The following PHF21B variants were observed in gnomAD, a reference collection of about 807,000 sequenced individuals.
PHF21B encodes PHD finger protein 21B.
Under a neutral mutation model 62.2 loss-of-function variants are expected in PHF21B, and 22 were observed. The observed-to-expected ratio is 0.35, with a 90% confidence interval of 0.25 to 0.51. The LOEUF is 0.51. Ranked by LOEUF, PHF21B falls within the 20% of genes least tolerant of loss-of-function variation. PHF21B has a pLI of 0.97. For synonymous variants in PHF21B, 341 were observed against 314.7 expected (o/e 1.08, Z -0.88); for missense variants, 701 against 707.9 (o/e 0.99, Z 0.11).
At chr22:44,921,151 C>T (rs1373377250) in intron 2 of PHF21B, among the ~76,000 whole-genome samples, 2 of 152,198 alleles carry the variant, frequency 1.3e-5, no homozygotes, top group Admixed American at 1.3e-4. Context: ...TCCCAGCCCC[C>T]CAATATGGGG....
chr22:44,930,982 G>A (rs1035586697), intron 2 of PHF21B, among the ~76,000 whole-genome samples: 3 of 152,232 alleles, frequency 2.0e-5, no homozygotes, highest in African/African-American at 7.2e-5. Context: ...GCTACGCCCA[G>A]GGGACTCTTA....
intron 2 of PHF21B, among the ~76,000 whole-genome samples, chr22:44,930,962 G>A (rs554900767): frequency 5.5e-4 from 84 of 152,310 alleles, no homozygotes; most frequent in African/African-American, 1.4e-3. Context: ...CAGCAGCTCC[G>A]GAGAGGTGAG....
At chr22:44,892,764 A>G (rs1033871248) in intron 7 of PHF21B, among the ~76,000 whole-genome samples, 1 of 152,218 alleles carries the variant, frequency 6.6e-6, no homozygotes, top group Non-Finnish European at 1.5e-5. Flanking sequence ...TGGGGAGATG[A>G]CATTAGGATT....
intron 5 of PHF21B, among the ~76,000 whole-genome samples, chr22:44,898,563 T>C (rs2071100392): frequency 6.6e-6 from 1 of 152,180 alleles, no homozygotes; most frequent in African/African-American, 2.4e-5. Flanking sequence ...CTTTTTTCAC[T>C]TTGTTGCCAT....
intron 2 of PHF21B, among the ~76,000 whole-genome samples, chr22:44,984,591 G>T (rs1281339318): frequency 6.6e-6 from 1 of 152,184 alleles, no homozygotes; most frequent in Non-Finnish European, 1.5e-5. Flanking sequence ...TGCCGTAGCT[G>T]GAGGCACATC....
At chr22:44,978,892 T>C (rs2072786663) in intron 2 of PHF21B, among the ~76,000 whole-genome samples, 1 of 152,086 alleles carries the variant, frequency 6.6e-6, no homozygotes, top group African/African-American at 2.4e-5. Flanking sequence ...AGACTCTGCG[T>C]GCAGCTGCTG....
chr22:45,007,323 G>A (rs2073335388), intron 2 of PHF21B, among the ~76,000 whole-genome samples: 1 of 151,862 alleles, frequency 6.6e-6, no homozygotes, highest in Non-Finnish European at 1.5e-5. Context: ...CTCTCGCCAG[G>A]GTCACCGGCA....
intron 2 of PHF21B, among the ~76,000 whole-genome samples, chr22:44,961,912 C>T (rs1030011823): frequency 6.6e-6 from 1 of 151,808 alleles, no homozygotes; most frequent in African/African-American, 2.4e-5. Flanking sequence ...TGACCTCCAG[C>T]TGCATTCATG....
At chr22:45,008,501 C>A (rs372880402) in intron 2 of PHF21B, 44 bp downstream of exon 2, 55 of 1,490,780 alleles carry the variant, frequency 3.7e-5, no homozygotes, top group Non-Finnish European at 6.3e-6. Flanking sequence ...TGCCCAGCCA[C>A]CCTCCCGCCC....
chr22:44,994,398 G>T (rs1429161136), intron 2 of PHF21B, among the ~76,000 whole-genome samples: 1 of 152,132 alleles, frequency 6.6e-6, no homozygotes, highest in Non-Finnish European at 1.5e-5. Flanking sequence ...AGACTGGAGG[G>T]CTGTGTCTTC....
At chr22:44,977,021 T>C (rs999065968) in intron 2 of PHF21B, among the ~76,000 whole-genome samples, 4 of 151,872 alleles carry the variant, frequency 2.6e-5, no homozygotes, top group Non-Finnish European at 5.9e-5. Flanking sequence ...CTGCTATTAA[T>C]ACTAGGGAGG....
At chr22:44,889,567 C>T (rs542185968) in intron 9 of PHF21B, among the ~76,000 whole-genome samples, 193 bp downstream of exon 9, 14 of 152,310 alleles carry the variant, frequency 9.2e-5, no homozygotes, top group African/African-American at 2.9e-4. Context: ...TGGCAATGCC[C>T]GACTTGACGC....
At chr22:44,901,771 A>G (rs917003101) in intron 5 of PHF21B, 2 of 315,656 alleles carry the variant, frequency 6.3e-6, no homozygotes, top group Non-Finnish European at 1.2e-5. Flanking sequence ...CATATTCCAG[A>G]AAGGCCGTGT....
At chr22:44,948,492 G>C (rs2072123805) in intron 2 of PHF21B, among the ~76,000 whole-genome samples, 1 of 151,970 alleles carries the variant, frequency 6.6e-6, no homozygotes, top group South Asian at 2.1e-4. Context: ...GACTAGCCTA[G>C]CCAACACGGC....
chr22:44,883,402 G>A, intron 12 of PHF21B, 98 bp from the exon 13 acceptor site: 1 of 1,168,006 alleles, frequency 8.6e-7, no homozygotes, highest in South Asian at 1.5e-5. Context: ...CCACTACAAA[G>A]GCCTACAAGA....
At chr22:44,966,751 G>A (rs1172770452) in intron 2 of PHF21B, among the ~76,000 whole-genome samples, 2 of 152,222 alleles carry the variant, frequency 1.3e-5, no homozygotes, top group African/African-American at 4.8e-5. Context: ...GAAAAATTGT[G>A]ATGGGCGATG....
At chr22:44,981,194 A>C (rs1454144108) in intron 2 of PHF21B, among the ~76,000 whole-genome samples, 1 of 152,106 alleles carries the variant, frequency 6.6e-6, no homozygotes, top group Non-Finnish European at 1.5e-5. Flanking sequence ...AGAGGGGAGG[A>C]GAGGAGAGAC....
intron 2 of PHF21B, among the ~76,000 whole-genome samples, chr22:44,994,967 C>T (rs928440679): frequency 3.3e-5 from 5 of 152,242 alleles, no homozygotes; most frequent in African/African-American, 9.6e-5. Flanking sequence ...GCCGAGAGGC[C>T]GCCCACCGCC....
intron 2 of PHF21B, among the ~76,000 whole-genome samples, chr22:44,947,857 G>C (rs1048037507): frequency 6.6e-6 from 1 of 152,054 alleles, no homozygotes; most frequent in Non-Finnish European, 1.5e-5. Flanking sequence ...ATCCAGATAC[G>C]ACTTACAAAC....
Sources: allele counts gnomAD v4.1 joint callset (sites outside exome capture counted in the v4.1 genomes callset), GRCh38; gene constraint gnomAD v4.1.1; transcripts MANE v1.5; gene names NCBI Gene and HGNC (gene_info 2026-07-23, HGNC 2026-07-21).